PTGER4: variants seen among roughly 807,000 people sequenced by gnomAD.
PTGER4 encodes prostaglandin E2 receptor EP4 subtype.
In PTGER4, 11 loss-of-function variants were observed where a neutral mutation model predicts 33.2. That is an observed-to-expected ratio of 0.33 (90% CI 0.21 to 0.55). PTGER4 has a LOEUF of 0.55. Ranked by LOEUF, PTGER4 falls within the 20% of genes least tolerant of loss-of-function variation. The pLI, the probability that PTGER4 is intolerant of heterozygous loss-of-function variation, is 0.92. For synonymous variants in PTGER4, 275 were observed against 281.5 expected (o/e 0.98, Z 0.23); for missense variants, 481 against 650.2 (o/e 0.74, Z 2.83).
At chr5:40,729,542 G>A in the PTGER4 span, among the ~76,000 whole-genome samples, 28 of 152,202 alleles carry the variant, frequency 1.8e-4, no homozygotes, top group South Asian at 5.8e-3. Flanking sequence ...CTTTTGCTAA[G>A]GACTAAGCCA....
chr5:40,733,903 GACAT>G, the PTGER4 span, among the ~76,000 whole-genome samples: 1 of 152,012 alleles, frequency 6.6e-6, no homozygotes, highest in Non-Finnish European at 1.5e-5. Flanking sequence ...CATACAAACA[GACAT>G]ACACACACAC....
chr5:40,684,135 C>G (rs1051677481), intron 2 of PTGER4, among the ~76,000 whole-genome samples: 1 of 120,832 alleles, frequency 8.3e-6, no homozygotes, highest in Non-Finnish European at 1.7e-5. Flanking sequence ...CCCCCCCCCC[C>G]ACAATTCAGC....
At chr5:40,728,254 A>G in the PTGER4 span, 1 of 1,041,288 alleles carries the variant, frequency 9.6e-7, no homozygotes, top group Non-Finnish European at 1.3e-6. Context: ...ACTGCACTGT[A>G]CCCTGGGTGA....
chr5:40,699,739 A>G, the PTGER4 span, among the ~76,000 whole-genome samples: 1 of 152,228 alleles, frequency 6.6e-6, no homozygotes, highest in Non-Finnish European at 1.5e-5. Flanking sequence ...ATAAAAGAGA[A>G]ATATTATCTC....
the PTGER4 span, among the ~76,000 whole-genome samples, chr5:40,739,797 G>A: frequency 1.3e-5 from 2 of 152,100 alleles, no homozygotes; most frequent in African/African-American, 4.8e-5. Flanking sequence ...ACTAATACAA[G>A]TATAGTGTAT....
the PTGER4 span, chr5:40,716,577 T>C: frequency 4.4e-6 from 4 of 902,084 alleles, no homozygotes; most frequent in African/African-American, 5.0e-5. Context: ...TTTACGTACA[T>C]ATATACTGTA....
the PTGER4 span, among the ~76,000 whole-genome samples, chr5:40,735,924 G>C: frequency 6.6e-6 from 1 of 152,218 alleles, no homozygotes; most frequent in Non-Finnish European, 1.5e-5. Flanking sequence ...GGTTCATCAA[G>C]AAATGGAGTT....
chr5:40,720,870 G>C, the PTGER4 span, among the ~76,000 whole-genome samples: 1 of 152,158 alleles, frequency 6.6e-6, no homozygotes, highest in Non-Finnish European at 1.5e-5. Context: ...AGAATGAATT[G>C]GTCTGAGTGT....
chr5:40,736,117 A>G, the PTGER4 span, among the ~76,000 whole-genome samples: 1 of 152,218 alleles, frequency 6.6e-6, no homozygotes, highest in African/African-American at 2.4e-5. Context: ...GATGGGGTCT[A>G]GAGTACAAGT....
At chr5:40,703,683 T>C in the PTGER4 span, among the ~76,000 whole-genome samples, 1 of 151,724 alleles carries the variant, frequency 6.6e-6, no homozygotes, top group Non-Finnish European at 1.5e-5. Flanking sequence ...GGTGGACAGA[T>C]CACAAGGTCA....
chr5:40,722,449 C>G, the PTGER4 span, among the ~76,000 whole-genome samples: 1 of 151,450 alleles, frequency 6.6e-6, no homozygotes, highest in Non-Finnish European at 1.5e-5. Context: ...GTCATCCAGT[C>G]TAGGAAGTGA....
At chr5:40,685,930 T>C (rs1741312219) in intron 2 of PTGER4, among the ~76,000 whole-genome samples, 1 of 152,104 alleles carries the variant, frequency 6.6e-6, no homozygotes, top group Admixed American at 6.6e-5. Context: ...ATGTGAGAGC[T>C]TTAAAAACAA....
At chr5:40,738,742 A>G in the PTGER4 span, among the ~76,000 whole-genome samples, 2 of 152,108 alleles carry the variant, frequency 1.3e-5, no homozygotes, top group African/African-American at 4.8e-5. Flanking sequence ...TTAGCATTCT[A>G]GTAACTAGGT....
At chr5:40,695,500 C>T (rs946162584), downstream of PTGER4, among the ~76,000 whole-genome samples, 2 of 152,184 alleles carry the variant, frequency 1.3e-5, no homozygotes, top group East Asian at 3.9e-4. Flanking sequence ...GAGCCGAGAT[C>T]GTGCGACTGA....
the PTGER4 span, among the ~76,000 whole-genome samples, chr5:40,724,721 C>A: frequency 6.6e-6 from 1 of 151,976 alleles, no homozygotes; most frequent in African/African-American, 2.4e-5. Flanking sequence ...AAACTCAATT[C>A]TTAAGTGTCA....
At chr5:40,713,938 T>C in the PTGER4 span, among the ~76,000 whole-genome samples, 3 of 152,342 alleles carry the variant, frequency 2.0e-5, no homozygotes, top group East Asian at 1.9e-4. Flanking sequence ...AATAAGCATT[T>C]TGAGGGGCCT....
At chr5:40,711,186 A>G in the PTGER4 span, among the ~76,000 whole-genome samples, 1 of 151,972 alleles carries the variant, frequency 6.6e-6, no homozygotes, top group South Asian at 2.1e-4. Flanking sequence ...AGAAAGGAAA[A>G]CTCTTACAAC....
At chr5:40,689,984 T>G (rs1378818990) in intron 2 of PTGER4, among the ~76,000 whole-genome samples, 1 of 152,180 alleles carries the variant, frequency 6.6e-6, no homozygotes, top group Non-Finnish European at 1.5e-5. Flanking sequence ...GAGATTTTTA[T>G]ATAAATGATC....
chr5:40,728,434 C>T, the PTGER4 span: 2 of 1,613,712 alleles, frequency 1.2e-6, no homozygotes, highest in Non-Finnish European at 1.7e-6. Context: ...GCCATTTCTG[C>T]TGCATGTACT....
Sources: allele counts gnomAD v4.1 joint callset (sites outside exome capture counted in the v4.1 genomes callset), GRCh38; gene constraint gnomAD v4.1.1; transcripts MANE v1.5; gene names NCBI Gene and HGNC (gene_info 2026-07-23, HGNC 2026-07-21).